The following CFAP54 variants were observed in gnomAD, a reference collection of about 807,000 sequenced individuals.
CFAP54 encodes cilia and flagella associated protein 54.
Under a neutral mutation model 370.4 loss-of-function variants are expected in CFAP54, and 290 were observed. That is an observed-to-expected ratio of 0.78 (90% CI 0.71 to 0.86). The LOEUF (loss-of-function observed/expected upper bound fraction) is 0.86. Among genes scored for constraint, CFAP54 ranks in the 40% least tolerant of loss-of-function variants. CFAP54 has a pLI of 0.00. For missense variants in CFAP54, 3,399 were observed against 3,528.7 expected, an observed-to-expected ratio of 0.96 and a Z score of 0.93; for synonymous variants, 1,206 against 1,236.5, an observed-to-expected ratio of 0.98 and a Z score of 0.52.
At chr12:96,804,394 A>G (rs1396475230) in intron 63 of CFAP54, among the ~76,000 whole-genome samples, 1 of 152,204 alleles carries the variant, frequency 6.6e-6, no homozygotes, top group Non-Finnish European at 1.5e-5. Flanking sequence ...AAAGTCTTCA[A>G]CAAAAAACCT....
Position 96,595,749 on chromosome 12 carries a change from T to C in CFAP54, c.3516+1303T>C, listed in dbSNP as rs537106390. On this transcript the variant is annotated intron_variant, in intron 25 of 67. Coordinates refer to ENST00000524981, the MANE Select transcript of CFAP54 (RefSeq NM_001306084.2). ...GTTGTAAATAGATAGAGCATTTCTCTCAAGTGTGGAGTATGGTTCATCCAA... is the reference window on the plus strand; with the variant it reads ...GTTGTAAATAGATAGAGCATTTCTCCCAAGTGTGGAGTATGGTTCATCCAA... Among the ~76,000 whole-genome samples the C allele has an allele frequency of 3.3e-5, 5 of 152,230 alleles. No individual in the cohort carries two copies. The South Asian group carries it at 1.0e-3, about 32-fold the overall frequency.
At chr12:96,552,981 A>G (rs1414419215) in intron 15 of CFAP54, among the ~76,000 whole-genome samples, 2 of 152,100 alleles carry the variant, frequency 1.3e-5, no homozygotes, top group Admixed American at 1.3e-4. Context: ...TGCTGAGCAA[A>G]CTCTTGCAAT....
intron 50 of CFAP54, among the ~76,000 whole-genome samples, chr12:96,724,403 G>C (rs961264818): frequency 6.6e-6 from 1 of 152,054 alleles, no homozygotes; most frequent in Admixed American, 6.5e-5. Flanking sequence ...TTGTGGTTTT[G>C]ATTTGCATTT....
intron 48 of CFAP54, among the ~76,000 whole-genome samples, chr12:96,714,512 G>A (rs1565951424): frequency 6.6e-6 from 1 of 152,294 alleles, no homozygotes; most frequent in East Asian, 1.9e-4. Context: ...TCATCAGCAA[G>A]AGGTCAAATA....
At chr12:96,716,299 G>A (rs1022793717) in intron 48 of CFAP54, among the ~76,000 whole-genome samples, 2 of 152,212 alleles carry the variant, frequency 1.3e-5, no homozygotes, top group Admixed American at 1.3e-4. Context: ...TTTGCTTGGA[G>A]ATGTTTCTCT....
At position 96,522,131 on chromosome 12, in the gene CFAP54, G is replaced by GA; in HGVS notation, c.1106dup (p.Asn369LysfsTer6). ...AAAAGAGGAGTCTTTGAATCTAGAA[G>GA]AAAAAACAAAGCTGTCTTTAGACCT... On this transcript the variant is annotated frameshift_variant, in exon 8 of 68. Coordinates refer to ENST00000524981, the MANE Select transcript of CFAP54 (RefSeq NM_001306084.2). LOFTEE classifies it high-confidence loss of function. 6.5e-7 allele frequency: 1 copy of GA among 1,535,424 alleles called. No homozygotes were observed. The highest frequency in any genetic ancestry group is 8.7e-7 in the Non-Finnish European group (1 of 1,146,724).
intron 14 of CFAP54, among the ~76,000 whole-genome samples, chr12:96,544,150 C>G (rs1411005831): frequency 6.6e-6 from 1 of 151,248 alleles, no homozygotes; most frequent in East Asian, 2.0e-4. Flanking sequence ...CATAAACCAT[C>G]AATGAACACA....
At position 96,564,766 on chromosome 12, in the gene CFAP54, G is replaced by A. The variant is rs1412110714; in HGVS notation, c.2619+1G>A. ...TACATCTTCATGGGAACTTTTGATG[G>A]TAACAGTATTTCATTTCTTCTTTTA... is the stretch of plus-strand genomic sequence containing the variant. On this transcript the variant is annotated splice_donor_variant, in intron 19 of 67. Transcript: ENST00000524981. LOFTEE classifies it high-confidence loss of function. The A allele has an allele frequency of 8.3e-6, 5 of 602,038 alleles. No individual in the cohort carries two copies. Among genetic ancestry groups the A allele is most frequent in the East Asian group, 2.9e-5 (1 of 34,530 alleles). 37.3% of individuals were successfully genotyped at this position (602,038 alleles called of 1,614,324 possible).
chr12:96,770,788 CTCAT>C (rs1192654695), intron 60 of CFAP54, among the ~76,000 whole-genome samples: 1 of 152,212 alleles, frequency 6.6e-6, no homozygotes, highest in East Asian at 1.9e-4. Context: ...AGGCAAGGTG[CTCAT>C]TCAGAGAGGT....
At chr12:96,538,172 A>C (rs1339062166) in intron 12 of CFAP54, among the ~76,000 whole-genome samples, 1 of 151,988 alleles carries the variant, frequency 6.6e-6, no homozygotes, top group African/African-American at 2.4e-5. Context: ...TAGTCATTTC[A>C]TGTTGGGAAA....
At chr12:96,783,989 G>A (rs952420215) in intron 60 of CFAP54, among the ~76,000 whole-genome samples, 3 of 152,166 alleles carry the variant, frequency 2.0e-5, no homozygotes, top group Admixed American at 6.5e-5. Flanking sequence ...GTGTATAGCT[G>A]GGATTTGAAC....
At chr12:96,872,044 G>T (rs1341914342) in intron 67 of CFAP54, among the ~76,000 whole-genome samples, 1 of 151,784 alleles carries the variant, frequency 6.6e-6, no homozygotes, top group Non-Finnish European at 1.5e-5. Flanking sequence ...TTTCAGATTT[G>T]ATTTAAAATA....
At chr12:96,833,060 G>A (rs548855565) in intron 66 of CFAP54, among the ~76,000 whole-genome samples, 1 of 152,260 alleles carries the variant, frequency 6.6e-6, no homozygotes, top group Non-Finnish European at 1.5e-5. Flanking sequence ...ATATTGACAT[G>A]CACAGCTTGT....
chr12:96,738,109 C>T (rs556615052), intron 50 of CFAP54, among the ~76,000 whole-genome samples: 3 of 152,240 alleles, frequency 2.0e-5, no homozygotes, highest in African/African-American at 4.8e-5. Flanking sequence ...ATGATCGTGG[C>T]TTGAACGAAC....
In CFAP54 at chr12:96,527,950, G is replaced by C. The variant is rs1052505447; in HGVS notation, c.1357+506G>C. On this transcript the variant is annotated intron_variant, in intron 9 of 67. Coordinates refer to ENST00000524981, the MANE Select transcript of CFAP54 (RefSeq NM_001306084.2). ...AAATAATGTATTAGTAGATTTTTGG[G>C]GGGACTTGTTTTGTATATACAGTCA... 1.3e-4 allele frequency among the ~76,000 whole-genome samples: 20 copies of C among 152,110 alleles called. No individual in the cohort carries two copies. In the East Asian group the frequency reaches 3.9e-3, roughly 29 times the overall value.
At chr12:96,525,838 G>A (rs563160128) in intron 8 of CFAP54, among the ~76,000 whole-genome samples, 82 of 152,232 alleles carry the variant, frequency 5.4e-4, no homozygotes, top group African/African-American at 1.7e-3. Context: ...CTACAGGCGC[G>A]CGCCACCATG....
At chr12:96,647,803 T>A in intron 33 of CFAP54, 72 bp from the exon 34 acceptor site, 1 of 1,318,706 alleles carries the variant, frequency 7.6e-7, no homozygotes, top group Non-Finnish European at 1.0e-6. Context: ...AAAATAAAAA[T>A]AGATTGCATT....
chr12:96,516,499 T>C (rs1252451869), intron 5 of CFAP54, among the ~76,000 whole-genome samples: 1 of 152,192 alleles, frequency 6.6e-6, no homozygotes, highest in Non-Finnish European at 1.5e-5. Flanking sequence ...GGCTCTTCCG[T>C]AGGTGAGAAA....
Position 96,720,440 on chromosome 12 carries a change from C to T in CFAP54, c.6840C>T (p.Asn2280=). Residue 2280 remains asparagine (N), a synonymous_variant, in exon 50 of 68, where the codon AAC becomes AAT. Transcript: ENST00000524981. ...MLLMEAEDRL[N]FLLSEVEQKT... is the part of the protein sequence containing the mutation. ...TGATGGAAGCTGAGGACAGGCTAAACTTCCTTCTGTCCGAGGTGGAACAGA... is the reference window on the plus strand; with the variant it reads ...TGATGGAAGCTGAGGACAGGCTAAATTTCCTTCTGTCCGAGGTGGAACAGA... 5 of 1,587,194 alleles carry T rather than the reference C, an allele frequency of 3.2e-6. No homozygotes were observed. Among genetic ancestry groups the T allele is most frequent in the East Asian group, 2.3e-5 (1 of 42,742 alleles).
Sources: gnomAD v4.1 joint callset for allele counts (sites outside exome capture counted in the v4.1 genomes callset) on GRCh38, gnomAD v4.1.1 for gene constraint, MANE v1.5 for transcripts, NCBI Gene and HGNC (gene_info 2026-07-23, HGNC 2026-07-21) for gene names.